Variants in TAF12 observed in about 807,000 individuals in gnomAD.
TAF12 encodes TATA-box binding protein associated factor 12, also known as transcription initiation factor TFIID subunit 12.
A neutral mutation model predicts 20.8 loss-of-function variants in TAF12; 3 were observed. That is an observed-to-expected ratio of 0.14 (90% confidence interval 0.07 to 0.37). TAF12 has a LOEUF of 0.37. Among genes scored for constraint, TAF12 ranks in the 10% least tolerant of loss-of-function variants. TAF12 has a pLI of 1.00. For synonymous variants in TAF12, 69 were observed against 70.2 expected, an observed-to-expected ratio of 0.98 and a Z score of 0.09; for missense variants, 131 against 197.9, an observed-to-expected ratio of 0.66 and a Z score of 2.03.
chr1:28,630,363 T>G (rs1425862778), intron 1 of TAF12, among the ~76,000 whole-genome samples: 1 of 152,130 alleles, frequency 6.6e-6, no homozygotes, highest in Non-Finnish European at 1.5e-5. Flanking sequence ...GAGACCAGCC[T>G]GACCAACATG....
chr1:28,643,145 C>T (rs1191169667), upstream of TAF12: 11 of 983,314 alleles, frequency 1.1e-5, no homozygotes, highest in Admixed American at 5.5e-4. Flanking sequence ...GGCCGGCGGG[C>T]GCGCGCCTCG....
At chr1:28,642,596 G>A in intron 1 of TAF12, 3 of 973,386 alleles carry the variant, frequency 3.1e-6, no homozygotes, top group Non-Finnish European at 3.7e-6. Flanking sequence ...AGGAGCCCGG[G>A]TCTTCACTGT....
At chr1:28,621,675 G>A (rs541010872) in intron 2 of TAF12, among the ~76,000 whole-genome samples, 362 of 152,224 alleles carry the variant, frequency 2.4e-3, no homozygotes, top group Non-Finnish European at 4.0e-3. Context: ...TCCCAGAGGA[G>A]TATACATTCA....
At chr1:28,614,064 C>G (rs1666951474) in intron 3 of TAF12, among the ~76,000 whole-genome samples, 1 of 151,482 alleles carries the variant, frequency 6.6e-6, no homozygotes, top group Non-Finnish European at 1.5e-5. Context: ...ATGGTGAAAC[C>G]CTGTCTCTAC....
intron 1 of TAF12, among the ~76,000 whole-genome samples, chr1:28,636,007 T>A (rs1667812238): frequency 1.3e-5 from 2 of 152,180 alleles, no homozygotes; most frequent in South Asian, 4.1e-4. Flanking sequence ...TAATGACTGG[T>A]TTTTCTACCT....
At chr1:28,612,573 T>C (rs1246451331) in intron 4 of TAF12, among the ~76,000 whole-genome samples, 1 of 147,786 alleles carries the variant, frequency 6.8e-6, no homozygotes, top group Non-Finnish European at 1.5e-5. Context: ...TATACATATA[T>C]ATACATATAT....
upstream of TAF12, among the ~76,000 whole-genome samples, chr1:28,645,096 A>C (rs1668151487): frequency 2.7e-5 from 4 of 149,666 alleles, no homozygotes; most frequent in South Asian, 8.4e-4. Flanking sequence ...ACTGCAGTGG[A>C]GCTATCTCGG....
At chr1:28,639,441 A>AAAAAAAAAAAAAAT in intron 1 of TAF12, among the ~76,000 whole-genome samples, 1 of 151,112 alleles carries the variant, frequency 6.6e-6, no homozygotes, top group Non-Finnish European at 1.5e-5. Flanking sequence ...AAAAAAAAAA[A>AAAAAAAAAAAAAAT]GGTAATATGT....
chr1:28,632,463 C>T (rs1370471121), intron 1 of TAF12, among the ~76,000 whole-genome samples: 3 of 152,040 alleles, frequency 2.0e-5, no homozygotes, highest in Admixed American at 2.0e-4. Context: ...TTGCAGTGTG[C>T]AGAGATCGCA....
intron 5 of TAF12, 87 bp from the exon 6 acceptor site, chr1:28,603,661 T>G: frequency 7.2e-7 from 1 of 1,384,606 alleles, no homozygotes; most frequent in South Asian, 1.2e-5. Context: ...GCAGGCCTCA[T>G]GGTCTACACT....
chr1:28,626,472 T>C (rs919795697), intron 1 of TAF12, among the ~76,000 whole-genome samples: 1 of 150,514 alleles, frequency 6.6e-6, no homozygotes, highest in Admixed American at 6.6e-5. Flanking sequence ...TCCCAGCTAC[T>C]TGGGAGGCTG....
At chr1:28,627,665 C>CAAAA (rs61016146) in intron 1 of TAF12, among the ~76,000 whole-genome samples, 43 of 103,356 alleles carry the variant, frequency 4.2e-4, no homozygotes, top group African/African-American at 6.4e-4. Flanking sequence ...TGCACTCCCT[C>CAAAA]AAAAAAAAAA....
chr1:28,611,773 T>A (rs907928843), intron 4 of TAF12, among the ~76,000 whole-genome samples: 4 of 152,070 alleles, frequency 2.6e-5, no homozygotes, highest in Non-Finnish European at 2.9e-5. Flanking sequence ...TTTGTTGTTT[T>A]AAGCTGCCAA....
intron 1 of TAF12, among the ~76,000 whole-genome samples, chr1:28,638,780 C>G (rs1667930483): frequency 6.7e-6 from 1 of 150,044 alleles, no homozygotes; most frequent in Admixed American, 6.6e-5. Flanking sequence ...GCCACCTCAC[C>G]TGGCCTATTT....
At chr1:28,625,135 C>T (rs1667338901) in intron 1 of TAF12, among the ~76,000 whole-genome samples, 1 of 152,202 alleles carries the variant, frequency 6.6e-6, no homozygotes, top group African/African-American at 2.4e-5. Context: ...CTTTATCTCT[C>T]AAAAACATTC....
Position 28,630,221 on chromosome 1 carries a change from T to C in TAF12, c.-84-8056A>G, listed in dbSNP as rs566732386. Among the ~76,000 whole-genome samples, 9 of 152,216 alleles carry C rather than the reference T, an allele frequency of 5.9e-5. No homozygotes were observed. In the South Asian group the frequency reaches 1.7e-3, roughly 28 times the overall value. ...TCAGCCTCCCAAAGTGCTGGGATTA[T>C]AGGCACAAGCCTCCATGCCCAGCCT... is the stretch of plus-strand genomic sequence containing the variant. On this transcript the variant is annotated intron_variant, in intron 1 of 5. Transcript: ENST00000373824.
chr1:28,613,573 A>G (rs887334410), intron 3 of TAF12, among the ~76,000 whole-genome samples: 1 of 152,200 alleles, frequency 6.6e-6, no homozygotes, highest in Non-Finnish European at 1.5e-5. Flanking sequence ...CTGAGCATAT[A>G]CTTTCTACCC....
intron 5 of TAF12, among the ~76,000 whole-genome samples, chr1:28,604,786 C>T (rs1666610027): frequency 1.3e-5 from 2 of 152,148 alleles, no homozygotes; most frequent in Admixed American, 6.6e-5. Flanking sequence ...GGATAACAGC[C>T]TTGTCAGAGG....
chr1:28,622,280 G>A, intron 1 of TAF12, 115 bp from the exon 2 acceptor site: 1 of 1,080,586 alleles, frequency 9.3e-7, no homozygotes, highest in Non-Finnish European at 1.2e-6. Context: ...AGCACTTTGG[G>A]AGGCCCAGGT....
Sources: allele counts gnomAD v4.1 joint callset (sites outside exome capture counted in the v4.1 genomes callset), GRCh38; gene constraint gnomAD v4.1.1; transcripts MANE v1.5; gene names NCBI Gene and HGNC (gene_info 2026-07-23, HGNC 2026-07-21).